PPFIA2: variants seen among roughly 807,000 people sequenced by gnomAD.
PPFIA2 encodes liprin-alpha-2.
A neutral mutation model predicts 175.5 loss-of-function variants in PPFIA2; 46 were observed. The observed-to-expected ratio is 0.26, with a 90% confidence interval of 0.21 to 0.34. The LOEUF is 0.34. Ranked by LOEUF, PPFIA2 falls within the 10% of genes least tolerant of loss-of-function variation. The pLI, the probability that PPFIA2 is intolerant of heterozygous loss-of-function variation, is 1.00. For synonymous variants in PPFIA2, 568 were observed against 511.4 expected (o/e 1.11, Z -1.49); for missense variants, 1,179 against 1,506.1 (o/e 0.78, Z 3.60).
chr12:81,425,850 T>C (rs1469674787), intron 7 of PPFIA2, among the ~76,000 whole-genome samples: 1 of 152,170 alleles, frequency 6.6e-6, no homozygotes, highest in Non-Finnish European at 1.5e-5. Context: ...TTTATCAACA[T>C]GTTATTAATT....
At chr12:81,277,560 T>A (rs1219527531) in intron 27 of PPFIA2, 146 bp from the exon 28 acceptor site, 1 of 854,708 alleles carries the variant, frequency 1.2e-6, no homozygotes, top group East Asian at 3.3e-5. Context: ...TCCTTCAGTA[T>A]TGGAGGGAAA....
chr12:81,360,064 G>T (rs150127542), intron 15 of PPFIA2, among the ~76,000 whole-genome samples: 2 of 151,798 alleles, frequency 1.3e-5, no homozygotes, highest in African/African-American at 2.4e-5. Flanking sequence ...AACACATGTG[G>T]TTAACAGTTT....
intron 4 of PPFIA2, among the ~76,000 whole-genome samples, chr12:81,482,078 G>A (rs908061757): frequency 6.6e-6 from 1 of 151,822 alleles, no homozygotes; most frequent in Non-Finnish European, 1.5e-5. Flanking sequence ...GTGGGCAAAG[G>A]ACATGAACAG....
chr12:81,382,742 G>A (rs11114842), intron 9 of PPFIA2, among the ~76,000 whole-genome samples: 53,844 of 151,818 alleles, frequency 0.35, 10,353 homozygotes, highest in East Asian at 0.53. Context: ...AGAGTCTGAA[G>A]TGCTAATTTT....
intron 17 of PPFIA2, among the ~76,000 whole-genome samples, 170 bp from the exon 18 acceptor site, chr12:81,347,940 G>T (rs539008317): frequency 1.1e-3 from 163 of 151,144 alleles, no homozygotes; most frequent in Non-Finnish European, 1.4e-3. Flanking sequence ...AGTGTAACTT[G>T]CAGTAAATTC....
At chr12:81,436,113 A>C (rs778103643) in intron 7 of PPFIA2, among the ~76,000 whole-genome samples, 3 of 151,168 alleles carry the variant, frequency 2.0e-5, no homozygotes, top group Non-Finnish European at 4.4e-5. Flanking sequence ...CTCCATCTCT[A>C]TAAAGAATAC....
intron 4 of PPFIA2, among the ~76,000 whole-genome samples, chr12:81,523,180 AAAG>A (rs1430521676): frequency 3.9e-5 from 6 of 152,324 alleles, no homozygotes; most frequent in South Asian, 2.1e-4. Context: ...GCCCAGCAAG[AAAG>A]AAGAAGAGTT....
intron 22 of PPFIA2, among the ~76,000 whole-genome samples, chr12:81,306,466 C>G (rs928198943): frequency 4.0e-5 from 6 of 151,480 alleles, no homozygotes; most frequent in Non-Finnish European, 5.9e-5. Flanking sequence ...AAAAGTAACT[C>G]ACACAAAAGG....
intron 3 of PPFIA2, among the ~76,000 whole-genome samples, chr12:81,707,680 C>G (rs1236272586): frequency 6.6e-6 from 1 of 150,480 alleles, no homozygotes; most frequent in African/African-American, 2.4e-5. Flanking sequence ...GGGTATATAC[C>G]CAAAGGACTA....
At chr12:81,658,715 G>A in intron 4 of PPFIA2, among the ~76,000 whole-genome samples, 1 of 151,774 alleles carries the variant, frequency 6.6e-6, no homozygotes, top group Non-Finnish European at 1.5e-5. Context: ...TGTTACATAT[G>A]TTTTATATAT....
intron 8 of PPFIA2, among the ~76,000 whole-genome samples, chr12:81,391,466 C>A (rs2040106821): frequency 6.6e-6 from 1 of 151,762 alleles, no homozygotes; most frequent in African/African-American, 2.4e-5. Context: ...ACTTTGGGTA[C>A]CAGATAGAAT....
rs116070453 is a variant in PPFIA2 at position 81,559,073 on chromosome 12, A to G, written c.304-101207T>C. Among the ~76,000 whole-genome samples the G allele has an allele frequency of 9.9e-4, 151 of 152,314 alleles. 1 individual carries two copies. The highest frequency in any genetic ancestry group is 3.5e-3 in the African/African-American group (146 of 41,562). On this transcript the variant is annotated intron_variant, in intron 4 of 32. Coordinates refer to ENST00000549396, the MANE Select transcript of PPFIA2 (RefSeq NM_003625.5). ...GAAATCTTTGAACCATTTGAAAAAG[A>G]CATACTTTGTGCAATAGCTGAAACA...
At chr12:81,557,024 T>G (rs966838634) in intron 4 of PPFIA2, among the ~76,000 whole-genome samples, 1 of 151,918 alleles carries the variant, frequency 6.6e-6, no homozygotes, top group Non-Finnish European at 1.5e-5. Flanking sequence ...TGATCTAAGT[T>G]ATCTTGATGA....
At chr12:81,660,802 G>T (rs978978366) in intron 4 of PPFIA2, among the ~76,000 whole-genome samples, 12 of 152,170 alleles carry the variant, frequency 7.9e-5, no homozygotes, top group Non-Finnish European at 1.5e-4. Context: ...AGAGAGAAAG[G>T]TCGGGTTACC....
intron 4 of PPFIA2, among the ~76,000 whole-genome samples, chr12:81,636,304 C>T (rs1224968805): frequency 2.2e-5 from 3 of 136,454 alleles, no homozygotes; most frequent in East Asian, 2.2e-4. Context: ...CTCGCTCTGT[C>T]GCCCAGGCTG....
chr12:81,266,470 A>T (rs543293853), intron 30 of PPFIA2, among the ~76,000 whole-genome samples: 1 of 152,162 alleles, frequency 6.6e-6, no homozygotes, highest in Non-Finnish European at 1.5e-5. Flanking sequence ...AATGTTATTA[A>T]TCTGTTTTGA....
chr12:81,399,375 G>C lies in PPFIA2; in HGVS notation c.762+6412C>G, dbSNP rs11114847. Among the ~76,000 whole-genome samples the C allele has an allele frequency of 2.0e-5, 3 of 148,726 alleles. No homozygotes were observed. In the East Asian group the frequency reaches 6.0e-4, roughly 30 times the overall value. ...ATGATACTTCTTACTGAAGACAGCA[G>C]AGTGGATTTCACTTCATCTTTCCAT... On this transcript the variant is annotated intron_variant, in intron 8 of 32. Coordinates refer to ENST00000549396, the MANE Select transcript of PPFIA2 (RefSeq NM_003625.5).
intron 4 of PPFIA2, among the ~76,000 whole-genome samples, chr12:81,490,401 A>G (rs1219164108): frequency 6.6e-6 from 1 of 151,862 alleles, no homozygotes; most frequent in Non-Finnish European, 1.5e-5. Context: ...TGTCAGCATC[A>G]TGTTTCTCCT....
intron 21 of PPFIA2, among the ~76,000 whole-genome samples, chr12:81,334,857 A>G (rs1360658967): frequency 6.6e-6 from 1 of 152,186 alleles, no homozygotes; most frequent in Admixed American, 6.5e-5. Flanking sequence ...TTTTTGTAAC[A>G]AATCATTTCA....
Sources: gnomAD v4.1 joint callset for allele counts (sites outside exome capture counted in the v4.1 genomes callset) on GRCh38, gnomAD v4.1.1 for gene constraint, MANE v1.5 for transcripts, NCBI Gene and HGNC (gene_info 2026-07-23, HGNC 2026-07-21) for gene names.